Variants in AFG1L observed in about 807,000 individuals in gnomAD.
The protein encoded by AFG1L is AFG1 like ATPase, also known as AFG1-like ATPase.
Under a neutral mutation model 62.2 loss-of-function variants are expected in AFG1L, and 53 were observed. The observed-to-expected ratio is 0.85, with a 90% confidence interval of 0.68 to 1.07. The LOEUF (loss-of-function observed/expected upper bound fraction) is 1.07. AFG1L is among the 50% of genes least tolerant of loss of function. The pLI is 0.00. For synonymous variants in AFG1L, 228 were observed against 210.3 expected, an observed-to-expected ratio of 1.08 and a Z score of -0.73; for missense variants, 555 against 590.5, an observed-to-expected ratio of 0.94 and a Z score of 0.62.
At chr6:108,323,174 A>G (rs1177757206) in intron 1 of AFG1L, among the ~76,000 whole-genome samples, 1 of 152,170 alleles carries the variant, frequency 6.6e-6, no homozygotes, top group African/African-American at 2.4e-5. Context: ...ATTAGGGTTT[A>G]CTCAAAGAAA....
chr6:108,397,457 A>G (rs1444535247), intron 6 of AFG1L, among the ~76,000 whole-genome samples: 1 of 151,760 alleles, frequency 6.6e-6, no homozygotes, highest in African/African-American at 2.4e-5. Context: ...GGATTTCACC[A>G]TGTTGGCCAG....
At chr6:108,430,109 G>A (rs576813852) in intron 7 of AFG1L, among the ~76,000 whole-genome samples, 57 of 152,072 alleles carry the variant, frequency 3.7e-4, no homozygotes, top group African/African-American at 1.2e-3. Context: ...CACAACGCCC[G>A]GCTAATTTTT....
intron 2 of AFG1L, among the ~76,000 whole-genome samples, chr6:108,333,332 C>G (rs1037448863): frequency 6.6e-6 from 1 of 151,980 alleles, no homozygotes; most frequent in Non-Finnish European, 1.5e-5. Flanking sequence ...ATCGCTTGAA[C>G]TTGGGAGGTG....
At chr6:108,414,891 A>T (rs1243125149) in intron 7 of AFG1L, among the ~76,000 whole-genome samples, 1 of 152,218 alleles carries the variant, frequency 6.6e-6, no homozygotes, top group Non-Finnish European at 1.5e-5. Context: ...CACCACTTCT[A>T]TTCAACATAG....
chr6:108,404,852 T>C (rs1781781673), intron 7 of AFG1L, among the ~76,000 whole-genome samples: 1 of 152,064 alleles, frequency 6.6e-6, no homozygotes, highest in African/African-American at 2.4e-5. Context: ...CTTAGCCTCC[T>C]GAGTAGCTGG....
intron 1 of AFG1L, among the ~76,000 whole-genome samples, chr6:108,321,912 C>T (rs1046967190): frequency 1.3e-5 from 2 of 152,124 alleles, no homozygotes; most frequent in African/African-American, 4.8e-5. Context: ...GAGAGAGTCT[C>T]ACTCTGTTGC....
At chr6:108,499,750 CTGT>C (rs1774113964) in intron 10 of AFG1L, among the ~76,000 whole-genome samples, 1 of 151,938 alleles carries the variant, frequency 6.6e-6, no homozygotes, top group Non-Finnish European at 1.5e-5. Flanking sequence ...GAGCTAGATC[CTGT>C]CCCCATCACC....
chr6:108,501,994 G>A (rs914763574), intron 10 of AFG1L, among the ~76,000 whole-genome samples: 3 of 152,192 alleles, frequency 2.0e-5, no homozygotes, highest in African/African-American at 4.8e-5. Flanking sequence ...GAGTTGTAGT[G>A]TTTTTACTGT....
chr6:108,352,668 G>A (rs562126145), intron 3 of AFG1L, among the ~76,000 whole-genome samples: 2 of 152,172 alleles, frequency 1.3e-5, no homozygotes, highest in Non-Finnish European at 1.5e-5. Flanking sequence ...GGGCTTAAGC[G>A]ATCCTCCTGC....
intron 7 of AFG1L, among the ~76,000 whole-genome samples, chr6:108,415,753 C>G (rs1770233231): frequency 1.3e-5 from 2 of 152,298 alleles, no homozygotes; most frequent in African/African-American, 2.4e-5. Flanking sequence ...TTCCTTACAC[C>G]TTATACAACA....
At chr6:108,491,326 G>A (rs867914989) in intron 10 of AFG1L, among the ~76,000 whole-genome samples, 2 of 152,168 alleles carry the variant, frequency 1.3e-5, no homozygotes, top group South Asian at 4.1e-4. Context: ...CAGTTACTCA[G>A]AAGTGATGAT....
intron 3 of AFG1L, among the ~76,000 whole-genome samples, chr6:108,349,418 A>G (rs1022708796): frequency 1.2e-4 from 18 of 152,288 alleles, no homozygotes; most frequent in African/African-American, 3.6e-4. Context: ...TAGGAGGTCA[A>G]GGCTGCAGTG....
chr6:108,481,616 A>G (rs1249512753), intron 10 of AFG1L, among the ~76,000 whole-genome samples: 2 of 152,022 alleles, frequency 1.3e-5, no homozygotes, highest in Non-Finnish European at 2.9e-5. Context: ...ATAAATAAAT[A>G]ACCCAGTTTC....
intron 7 of AFG1L, among the ~76,000 whole-genome samples, chr6:108,442,797 C>T (rs1193379554): frequency 1.3e-5 from 2 of 152,124 alleles, no homozygotes; most frequent in Non-Finnish European, 2.9e-5. Flanking sequence ...AGTGTTAGCA[C>T]TGAAAGTTCT....
chr6:108,433,750 G>T lies in AFG1L; in HGVS notation c.808-13464G>T, dbSNP rs142945952. 3.3e-5 allele frequency among the ~76,000 whole-genome samples: 5 copies of T among 151,724 alleles called. No individual in the cohort carries two copies. In the East Asian group the frequency reaches 9.7e-4, roughly 30 times the overall value. ...TGGGATTACAGGCACAAGGCACCATGTCTGGCTAATTTTTGTATTTTTAGT... is the reference window on the plus strand; with the variant it reads ...TGGGATTACAGGCACAAGGCACCATTTCTGGCTAATTTTTGTATTTTTAGT... On this transcript the variant is annotated intron_variant, in intron 7 of 12. Transcript: ENST00000368977.
intron 8 of AFG1L, among the ~76,000 whole-genome samples, chr6:108,453,976 C>T (rs186792864): frequency 6.6e-6 from 1 of 152,304 alleles, no homozygotes; most frequent in East Asian, 1.9e-4. Flanking sequence ...TAAGTCCGGC[C>T]CCCTTCCTTT....
chr6:108,296,548 A>G, intron 1 of AFG1L, among the ~76,000 whole-genome samples: 1 of 152,180 alleles, frequency 6.6e-6, no homozygotes, highest in East Asian at 1.9e-4. Flanking sequence ...ATATACATAT[A>G]TAGATAATGG....
At chr6:108,422,477 CAAAAAAAAA>C (rs539232525) in intron 7 of AFG1L, among the ~76,000 whole-genome samples, 9 of 45,810 alleles carry the variant, frequency 2.0e-4, no homozygotes, top group Admixed American at 9.2e-4. Flanking sequence ...TAGTCCTCAG[CAAAAAAAAA>C]AAAAAAAAAA....
intron 1 of AFG1L, among the ~76,000 whole-genome samples, chr6:108,323,353 T>G (rs928522328): frequency 6.6e-6 from 1 of 152,092 alleles, no homozygotes; most frequent in Non-Finnish European, 1.5e-5. Flanking sequence ...CAATTAGAAA[T>G]ATATTCATTG....
Sources: allele counts gnomAD v4.1 joint callset (sites outside exome capture counted in the v4.1 genomes callset), GRCh38; gene constraint gnomAD v4.1.1; transcripts MANE v1.5; gene names NCBI Gene and HGNC (gene_info 2026-07-23, HGNC 2026-07-21).